Variants in ATP1A3 observed in about 807,000 individuals in gnomAD.
ATP1A3 encodes ATPase Na+/K+ transporting subunit alpha 3, also known as sodium/potassium-transporting ATPase subunit alpha-3.
In ATP1A3, 12 loss-of-function variants were observed where a neutral mutation model predicts 108.8. The ratio of observed to expected loss-of-function variants is 0.11; its 90% CI spans 0.07 to 0.18. The LOEUF (loss-of-function observed/expected upper bound fraction) is 0.18, where lower values mean the gene tolerates loss of function less well. ATP1A3 is among the 10% of genes least tolerant of loss of function. The pLI is 1.00. For synonymous variants in ATP1A3, 539 were observed against 564.5 expected, an observed-to-expected ratio of 0.95 and a Z score of 0.64; for missense variants, 498 against 1,387.7, an observed-to-expected ratio of 0.36 and a Z score of 10.19.
chr19:41,993,419 C>G, intron 1 of ATP1A3: 4 of 1,535,760 alleles, frequency 2.6e-6, no homozygotes, highest in Non-Finnish European at 3.5e-6. Context: ...CTCTCCTCCT[C>G]CCAGCCTCCC....
chr19:41,991,617 A>AG (rs1713335744), intron 1 of ATP1A3, among the ~76,000 whole-genome samples: 1 of 152,068 alleles, frequency 6.6e-6, no homozygotes, highest in African/African-American at 2.4e-5. Flanking sequence ...GGAGAGAGAG[A>AG]GGGAGAAAAT....
rs1176500185 is a variant in ATP1A3 at position 41,968,234 on chromosome 19, C to T, written c.2820-471G>A. Reference sequence around the variant, plus strand: ...GTGCAGTGGCAAAACCCAAAATGGGCTGGGCATGGTGGCTCACACCTGTAA... The same window carrying T: ...GTGCAGTGGCAAAACCCAAAATGGGTTGGGCATGGTGGCTCACACCTGTAA... On this transcript the variant is annotated intron_variant, in intron 20 of 22. Transcript: ENST00000648268. This position sits in a 1 kb window ranked among gnomAD's most constrained non-coding sequence, Gnocchi z 5.0. Among the ~76,000 whole-genome samples the T allele has an allele frequency of 6.6e-6, 1 of 152,206 alleles. No homozygotes were observed. The highest frequency in any genetic ancestry group is 1.5e-5 in the Non-Finnish European group (1 of 68,038).
chr19:41,979,958 T>C (rs2075212383), intron 11 of ATP1A3, among the ~76,000 whole-genome samples: 1 of 152,194 alleles, frequency 6.6e-6, no homozygotes, highest in Non-Finnish European at 1.5e-5. Flanking sequence ...AGCCAAGTCC[T>C]CTCCATGCCC....
intron 4 of ATP1A3, 118 bp downstream of exon 4, chr19:41,987,818 G>T: frequency 2.3e-6 from 3 of 1,312,102 alleles, no homozygotes; most frequent in Non-Finnish European, 3.3e-6. Flanking sequence ...TTGTGAGTTA[G>T]ATGGGAAAAA....
At position 41,994,115 on chromosome 19, in the gene ATP1A3, C is replaced by G. The variant is rs782733337; in HGVS notation, c.-39G>C. ...CGGCGAGAGAGCCAGGCGGGCGGGG[C>G]GGGGACCTCGGGGCGGGCTCAGGCT... On this transcript the variant is annotated 5_prime_UTR_variant, in exon 1 of 23. Transcript: ENST00000648268. 6.4e-7 allele frequency: 1 copy of G among 1,555,022 alleles called. No individual in the cohort carries two copies. Among genetic ancestry groups the G allele is most frequent in the African/African-American group, 1.4e-5 (1 of 71,444 alleles).
chr19:41,971,113 G>A (rs551712940), intron 16 of ATP1A3, among the ~76,000 whole-genome samples: 23 of 152,062 alleles, frequency 1.5e-4, no homozygotes, highest in Middle Eastern at 3.4e-3. Context: ...ACAGTCACGC[G>A]CCACCACGTC....
At chr19:41,984,641 T>TTG (rs2075269260) in intron 8 of ATP1A3, 1 of 428,102 alleles carries the variant, frequency 2.3e-6, no homozygotes, top group Non-Finnish European at 4.2e-6. Context: ...CTCAAGATTT[T>TTG]TGTTTGTTTC....
chr19:41,983,582 A>T (rs1360309335), intron 8 of ATP1A3, among the ~76,000 whole-genome samples: 10 of 145,066 alleles, frequency 6.9e-5, no homozygotes, highest in African/African-American at 2.3e-4. Context: ...AAATAATAAT[A>T]ATAATTATTA....
intron 18 of ATP1A3, 87 bp downstream of exon 18, chr19:41,970,098 G>A: frequency 6.2e-7 from 1 of 1,608,196 alleles, no homozygotes; most frequent in East Asian, 2.2e-5. Flanking sequence ...CTGAGTCAAT[G>A]CCAGGGTCCC....
chr19:41,978,477 A>C lies in ATP1A3; in HGVS notation c.1630+129T>G. The C allele has an allele frequency of 6.7e-7, 1 of 1,496,710 alleles. No individual in the cohort carries two copies. Among genetic ancestry groups the C allele is most frequent in the South Asian group, 1.2e-5 (1 of 86,924 alleles). 92.7% of individuals were successfully genotyped at this position (1,496,710 alleles called of 1,614,324 possible). On this transcript the variant is annotated intron_variant, in intron 12 of 22. Transcript: ENST00000648268. The surrounding 1 kb of genome is among the most constrained non-coding windows in gnomAD (Gnocchi z 8.3). ...CCTAGGATACCTTCCCCTCTCATCC[A>C]TCCATTCATTCATTCATTCATTCAT...
chr19:41,967,733 C>T lies in ATP1A3; in HGVS notation c.2850G>A (p.Glu950=). ...ACAGGAAGGCAGCCAGGGCCGTCTC[C>T]TCAAACAGCCCGAAGATCAGGATCT... ...KNKILIFGLF[E]ETALAAFLSY... is the part of the protein sequence containing the mutation. Residue 950 remains glutamate (E), a synonymous_variant, in exon 21 of 23, where the codon GAG becomes GAA. Coordinates refer to ENST00000648268, the MANE Select transcript of ATP1A3 (RefSeq NM_152296.5). This position sits in a 1 kb window ranked among gnomAD's most constrained non-coding sequence, Gnocchi z 4.2. The T allele has an allele frequency of 1.2e-6, 2 of 1,613,980 alleles. No homozygotes were observed. The highest frequency in any genetic ancestry group is 1.7e-6 in the Non-Finnish European group (2 of 1,179,970).
chr19:41,972,837 G>A (rs1288627811), intron 16 of ATP1A3, among the ~76,000 whole-genome samples: 2 of 140,682 alleles, frequency 1.4e-5, no homozygotes, highest in African/African-American at 5.5e-5. Flanking sequence ...AAGGAAGGAA[G>A]GAAGGAAGGA....
chr19:41,988,224 C>A lies in ATP1A3; in HGVS notation c.154-85G>T. On this transcript the variant is annotated intron_variant, in intron 3 of 22. Transcript: ENST00000648268. This position sits in a 1 kb window ranked among gnomAD's most constrained non-coding sequence, Gnocchi z 5.3. ...CACCAGACCCCCAGAACTTAAGACA[C>A]CAGCCACAGCCCCTCCTCCCTCAGA... is the stretch of plus-strand genomic sequence containing the variant. 1.9e-6 allele frequency: 3 copies of A among 1,612,146 alleles called. No individual in the cohort carries two copies. Among genetic ancestry groups the A allele is most frequent in the Non-Finnish European group, 2.5e-6 (3 of 1,178,288 alleles).
chr19:41,967,122 T>G lies in ATP1A3; in HGVS notation c.3013+127A>C. ...AAGACAGAGTGGGTGCCCGGAGAGATGGGAAGAGAGAGAAGAGTGGGAACC... is the reference window on the plus strand; with the variant it reads ...AAGACAGAGTGGGTGCCCGGAGAGAGGGGAAGAGAGAGAAGAGTGGGAACC... On this transcript the variant is annotated intron_variant, in intron 22 of 22. Transcript: ENST00000648268. The surrounding 1 kb of genome is among the most constrained non-coding windows in gnomAD (Gnocchi z 4.2). The G allele has an allele frequency of 6.4e-7, 1 of 1,558,974 alleles. No homozygotes were observed. The highest frequency in any genetic ancestry group is 8.7e-7 in the Non-Finnish European group (1 of 1,151,774).
At position 41,981,808 on chromosome 19, in the gene ATP1A3, G is replaced by A; in HGVS notation, c.1216C>T (p.His406Tyr). 6.2e-7 allele frequency: 1 copy of A among 1,614,216 alleles called. No homozygotes were observed. Among genetic ancestry groups the A allele is most frequent in the Non-Finnish European group, 8.5e-7 (1 of 1,180,048 alleles). ...ATGTGAGACAGGGCCACCCAGGTGTGCGAACTCTTGTCAAATGAGGTCCCT... is the reference window on the plus strand; with the variant it reads ...ATGTGAGACAGGGCCACCCAGGTGTACGAACTCTTGTCAAATGAGGTCCCT... ...QSGTSFDKSS[H>Y]TWVALSHIAG... The change falls in exon 10 of 23, where the codon CAC (histidine) becomes TAC (tyrosine). Residue 406 changes from histidine to tyrosine, a missense_variant. Transcript: ENST00000648268. The surrounding 1 kb of genome is among the most constrained non-coding windows in gnomAD (Gnocchi z 5.0).
chr19:41,970,333 C>G, intron 17 of ATP1A3, 25 bp from the exon 18 acceptor site: 2 of 1,613,914 alleles, frequency 1.2e-6, no homozygotes, highest in Non-Finnish European at 1.7e-6. Flanking sequence ...CCGGGTGAGC[C>G]GGAGAGGGGA....
chr19:41,985,716 G>A lies in ATP1A3; in HGVS notation c.606+148C>T. On this transcript the variant is annotated intron_variant, in intron 6 of 22. Transcript: ENST00000648268. The surrounding 1 kb of genome is among the most constrained non-coding windows in gnomAD (Gnocchi z 8.2). ...GCCCAGGGCCTAAACTCCTGGGTCT[G>A]AGGGAGGAGGGCCTGGGGGCCTGGA... is the stretch of plus-strand genomic sequence containing the variant. The A allele has an allele frequency of 7.9e-7, 1 of 1,261,532 alleles. No homozygotes were observed. The highest frequency in any genetic ancestry group is 2.5e-5 in the East Asian group (1 of 40,538). 78.1% of individuals were successfully genotyped at this position (1,261,532 alleles called of 1,614,324 possible). A position where few individuals can be genotyped will look rare whatever the true frequency, so the allele number is the denominator to read the frequency against.
At position 41,981,610 on chromosome 19, in the gene ATP1A3, C is replaced by T. The variant is rs782424575; in HGVS notation, c.1329G>A (p.Glu443=). Residue 443 remains glutamate (E), a synonymous_variant, in exon 11 of 23, where the codon GAG becomes GAA. Coordinates refer to ENST00000648268, the MANE Select transcript of ATP1A3 (RefSeq NM_152296.5). This position sits in a 1 kb window ranked among gnomAD's most constrained non-coding sequence, Gnocchi z 5.0. ...LKRDVAGDAS[E]SALLKCIELS... is the part of the protein sequence containing the mutation. ...GCTCGATGCACTTGAGCAGGGCAGA[C>T]TCAGACGCATCCCCAGCCACATCCC... 6.2e-7 allele frequency: 1 copy of T among 1,614,172 alleles called. No individual in the cohort carries two copies.
rs769321266 is a variant in ATP1A3, at chr19:41,978,479, CCATTCATTCATT to C, written c.1630+115_1630+126del. The C allele has an allele frequency of 7.4e-6, 11 of 1,481,960 alleles. No homozygotes were observed. The highest frequency in any genetic ancestry group is 1.0e-5 in the Non-Finnish European group (11 of 1,079,846). The allele number at this position is 1,481,960 out of a possible 1,614,324, so 91.8% of individuals were successfully genotyped here. ...TAGGATACCTTCCCCTCTCATCCAT[CCATTCATTCATT>C]CATTCATTCATTTACAGTATATTCT... On this transcript the variant is annotated intron_variant, in intron 12 of 22. Coordinates refer to ENST00000648268, the MANE Select transcript of ATP1A3 (RefSeq NM_152296.5). The surrounding 1 kb of genome is among the most constrained non-coding windows in gnomAD (Gnocchi z 8.3).
Sources: allele counts gnomAD v4.1 joint callset (sites outside exome capture counted in the v4.1 genomes callset), GRCh38; gene constraint gnomAD v4.1.1; non-coding constraint Gnocchi (gnomAD v3.1); transcripts MANE v1.5; gene names NCBI Gene and HGNC (gene_info 2026-07-23, HGNC 2026-07-21).